Variants in MYO5B observed in about 807,000 individuals in gnomAD.
The protein encoded by MYO5B is myosin VB.
Under a neutral mutation model 229.3 loss-of-function variants are expected in MYO5B, and 143 were observed. The ratio of observed to expected loss-of-function variants is 0.62; its 90% confidence interval spans 0.54 to 0.72. MYO5B has a LOEUF of 0.72. Among genes scored for constraint, MYO5B ranks in the 30% least tolerant of loss-of-function variants. The pLI, the probability that MYO5B is intolerant of heterozygous loss-of-function variation, is 0.00. For synonymous variants in MYO5B, 918 were observed against 885.2 expected (o/e 1.04, Z -0.66); for missense variants, 2,321 against 2,331.0 (o/e 1.00, Z 0.09).
intron 17 of MYO5B, among the ~76,000 whole-genome samples, chr18:49,913,825 GCAGAT>G (rs1426127758): frequency 3.3e-5 from 5 of 152,002 alleles, no homozygotes; most frequent in Non-Finnish European, 7.4e-5. Context: ...AAAGAGACAA[GCAGAT>G]CAGTGGCAGA....
chr18:50,078,060 C>G (rs1282737410), intron 1 of MYO5B, among the ~76,000 whole-genome samples: 1 of 152,236 alleles, frequency 6.6e-6, no homozygotes, highest in African/African-American at 2.4e-5. Flanking sequence ...TAGGTCAATA[C>G]TGGAATCCTA....
intron 22 of MYO5B, among the ~76,000 whole-genome samples, chr18:49,882,423 A>G (rs1478937355): frequency 6.6e-6 from 1 of 151,868 alleles, no homozygotes; most frequent in East Asian, 1.9e-4. Flanking sequence ...AGGTCAGGAG[A>G]TCGAGATGAT....
chr18:50,007,180 C>T (rs1356857009), intron 4 of MYO5B, among the ~76,000 whole-genome samples: 1 of 152,160 alleles, frequency 6.6e-6, no homozygotes, highest in African/African-American at 2.4e-5. Flanking sequence ...ACCTCGAATT[C>T]CCAGGGCTCC....
At chr18:49,951,864 T>G (rs2025434547) in intron 14 of MYO5B, among the ~76,000 whole-genome samples, 2 of 152,166 alleles carry the variant, frequency 1.3e-5, no homozygotes, top group African/African-American at 4.8e-5. Flanking sequence ...CCCTGTGCCT[T>G]GGGGCTCCTC....
At chr18:49,862,917 C>T (rs1474237536) in intron 29 of MYO5B, among the ~76,000 whole-genome samples, 2 of 134,366 alleles carry the variant, frequency 1.5e-5, no homozygotes, top group Admixed American at 7.9e-5. Context: ...CCCCAGCCAG[C>T]ATCCTCTCAA....
At chr18:50,094,475 T>C (rs1244557046) in intron 1 of MYO5B, among the ~76,000 whole-genome samples, 1 of 152,130 alleles carries the variant, frequency 6.6e-6, no homozygotes, top group Non-Finnish European at 1.5e-5. Context: ...TTTTTGTAGT[T>C]GGAAAGAATT....
chr18:49,923,432 C>T (rs768834526), intron 17 of MYO5B, among the ~76,000 whole-genome samples: 1 of 152,192 alleles, frequency 6.6e-6, no homozygotes, highest in Non-Finnish European at 1.5e-5. Flanking sequence ...AAACTGTTCT[C>T]ATTCTACATA....
At chr18:50,142,283 A>T (rs2032429753) in intron 1 of MYO5B, among the ~76,000 whole-genome samples, 1 of 152,226 alleles carries the variant, frequency 6.6e-6, no homozygotes, top group Admixed American at 6.5e-5. Context: ...GGCAAGGAAG[A>T]GCTTGGCAAA....
chr18:49,946,536 T>G (rs2025374996), intron 14 of MYO5B: 1 of 152,230 alleles, frequency 6.6e-6, no homozygotes, highest in Admixed American at 6.5e-5. Context: ...TTTCAGCCCC[T>G]TTCTCCTGCT....
At chr18:49,902,535 C>A in intron 21 of MYO5B, 59 bp downstream of exon 21, 1 of 1,599,978 alleles carries the variant, frequency 6.3e-7, no homozygotes, top group Non-Finnish European at 8.5e-7. Flanking sequence ...TGTGGGCTCT[C>A]TCAAAATGCT....
chr18:49,826,312 G>C lies in MYO5B; in HGVS notation c.*159C>G, dbSNP rs1279566819. The C allele has an allele frequency of 4.7e-6, 4 of 842,232 alleles. No homozygotes were observed. The Middle Eastern group carries it at 1.0e-3, about 215-fold the overall frequency. 52.2% of individuals were successfully genotyped at this position (842,232 alleles called of 1,614,324 possible). A position where few individuals can be genotyped will look rare whatever the true frequency, so the allele number is the denominator to read the frequency against. ...AGTAGGTACAAAAAATAATGACATA[G>C]TTGTGTCTAATTCTGTATAGTTCAG... On this transcript the variant is annotated 3_prime_UTR_variant, in exon 40 of 40. Coordinates refer to ENST00000285039, the MANE Select transcript of MYO5B (RefSeq NM_001080467.3).
chr18:49,934,987 C>T (rs1364027172), intron 16 of MYO5B, among the ~76,000 whole-genome samples: 1 of 152,156 alleles, frequency 6.6e-6, no homozygotes, highest in Non-Finnish European at 1.5e-5. Context: ...TAAAAATACA[C>T]CTCCTCTGGC....
At chr18:49,916,739 C>A (rs759944294) in intron 17 of MYO5B, among the ~76,000 whole-genome samples, 1 of 152,046 alleles carries the variant, frequency 6.6e-6, no homozygotes, top group Non-Finnish European at 1.5e-5. Flanking sequence ...GTTCAGTACC[C>A]ACTATGGGGT....
At chr18:50,066,264 C>T (rs143804603) in intron 1 of MYO5B, among the ~76,000 whole-genome samples, 32 of 152,270 alleles carry the variant, frequency 2.1e-4, no homozygotes, top group African/African-American at 7.5e-4. Flanking sequence ...AACAATGATA[C>T]GAAATCATGG....
chr18:50,015,930 G>C (rs1278461628), intron 4 of MYO5B, among the ~76,000 whole-genome samples: 3 of 152,236 alleles, frequency 2.0e-5, no homozygotes. Flanking sequence ...GTCACCTCCA[G>C]TCCTGGTCAT....
intron 1 of MYO5B, among the ~76,000 whole-genome samples, chr18:50,066,723 T>A (rs1253888459): frequency 6.6e-6 from 1 of 152,224 alleles, no homozygotes; most frequent in Non-Finnish European, 1.5e-5. Context: ...ATCTGCTGCT[T>A]AAATTACTAT....
At chr18:50,070,018 CTTTTTTT>C (rs765610800) in intron 1 of MYO5B, among the ~76,000 whole-genome samples, 13 of 110,070 alleles carry the variant, frequency 1.2e-4, no homozygotes, top group African/African-American at 4.5e-4. Flanking sequence ...GCAATTTAGT[CTTTTTTT>C]TTTTTTTTTT....
At chr18:49,904,981 T>A (rs998131348) in intron 19 of MYO5B, among the ~76,000 whole-genome samples, 153 bp from the exon 20 acceptor site, 1 of 152,200 alleles carries the variant, frequency 6.6e-6, no homozygotes, top group Non-Finnish European at 1.5e-5. Flanking sequence ...CCCTAACAAA[T>A]GTAGCAATGC....
At chr18:49,877,921 AAT>A in intron 24 of MYO5B, 39 bp from the exon 25 acceptor site, 1 of 1,613,584 alleles carries the variant, frequency 6.2e-7, no homozygotes, top group Non-Finnish European at 8.5e-7. Context: ...ATTAGGAACT[AAT>A]GTTCATGAGA....
Sources: allele counts gnomAD v4.1 joint callset (sites outside exome capture counted in the v4.1 genomes callset), GRCh38; gene constraint gnomAD v4.1.1; transcripts MANE v1.5; gene names NCBI Gene and HGNC (gene_info 2026-07-23, HGNC 2026-07-21).